PKIB: variants seen among roughly 807,000 people sequenced by gnomAD.
The protein encoded by PKIB is cAMP-dependent protein kinase inhibitor beta.
A neutral mutation model predicts 4.5 loss-of-function variants in PKIB; 2 were observed. That is an observed-to-expected ratio of 0.44 (90% CI 0.18 to 1.39). PKIB has a LOEUF of 1.39. Ranked by LOEUF, PKIB falls within the 40% of genes most tolerant of loss-of-function variation. The probability of loss-of-function intolerance (pLI) is 0.27; values close to 1 mark genes in which losing one functional copy is unlikely to be tolerated. For synonymous variants in PKIB, 38 were observed against 36.0 expected, an observed-to-expected ratio of 1.06 and a Z score of -0.20; for missense variants, 94 against 92.6, an observed-to-expected ratio of 1.02 and a Z score of -0.06.
At chr6:122,625,455 G>C (rs1365398537) in intron 1 of PKIB, among the ~76,000 whole-genome samples, 1 of 152,012 alleles carries the variant, frequency 6.6e-6, no homozygotes, top group Non-Finnish European at 1.5e-5. Context: ...TATAAAGCAG[G>C]TTATTTGCAA....
intron 1 of PKIB, among the ~76,000 whole-genome samples, chr6:122,477,476 T>C (rs1331144687): frequency 6.6e-6 from 1 of 152,228 alleles, no homozygotes; most frequent in Non-Finnish European, 1.5e-5. Flanking sequence ...ATTTAGGCTA[T>C]CAAAGTACTA....
intron 3 of PKIB, among the ~76,000 whole-genome samples, chr6:122,587,012 CTAAA>C (rs1773869744): frequency 6.6e-6 from 1 of 151,956 alleles, no homozygotes; most frequent in Non-Finnish European, 1.5e-5. Context: ...ATAAAACAAA[CTAAA>C]TAAGCAATGT....
chr6:122,539,607 A>G (rs1044968575), intron 2 of PKIB, among the ~76,000 whole-genome samples: 2 of 152,072 alleles, frequency 1.3e-5, no homozygotes, highest in Non-Finnish European at 2.9e-5. Flanking sequence ...AGATTGTTGC[A>G]TCAATGTTCA....
intron 3 of PKIB, among the ~76,000 whole-genome samples, chr6:122,603,073 T>G (rs1340860012): frequency 1.3e-5 from 2 of 152,122 alleles, no homozygotes; most frequent in Non-Finnish European, 2.9e-5. Flanking sequence ...AAGCTTCTCT[T>G]TTTTAAAAGA....
chr6:122,604,179 A>G (rs72962492), intron 3 of PKIB, among the ~76,000 whole-genome samples: 4,679 of 152,304 alleles, frequency 0.031, 109 homozygotes, highest in Non-Finnish European at 0.045. Flanking sequence ...TTTGGAATAG[A>G]AGAATCTCAT....
At chr6:122,496,008 G>A (rs943652811) in intron 2 of PKIB, among the ~76,000 whole-genome samples, 2 of 152,102 alleles carry the variant, frequency 1.3e-5, no homozygotes, top group Non-Finnish European at 2.9e-5. Context: ...CAAGCTTGGG[G>A]CTCCAGCTCA....
chr6:122,692,904 GT>G (rs1778413078), intron 3 of PKIB, among the ~76,000 whole-genome samples: 1 of 152,194 alleles, frequency 6.6e-6, no homozygotes, highest in African/African-American at 2.4e-5. Flanking sequence ...TAGGAAACAA[GT>G]TTTGAATTTT....
At chr6:122,722,850 G>C (rs573398194) in intron 4 of PKIB, among the ~76,000 whole-genome samples, 1 of 152,054 alleles carries the variant, frequency 6.6e-6, no homozygotes, top group South Asian at 2.1e-4. Context: ...AATCTTCTGC[G>C]TACCATTCTT....
intron 3 of PKIB, among the ~76,000 whole-genome samples, chr6:122,709,080 C>T (rs563582969): frequency 2.0e-5 from 3 of 152,292 alleles, no homozygotes; most frequent in South Asian, 2.1e-4. Context: ...AAATAAATTC[C>T]ATTTGTGTAG....
Position 122,716,084 on chromosome 6 carries a change from A to G in PKIB, c.-8-1703A>G, listed in dbSNP as rs529735710. ...TTGGAAAATGCAAGAGGTCTTCCCA[A>G]TAGGAAAATACTTTTTGTTAGGATT... On this transcript the variant is annotated intron_variant, in intron 3 of 4. Transcript: ENST00000368452. 3.9e-5 allele frequency among the ~76,000 whole-genome samples: 6 copies of G among 152,336 alleles called. 1 individual carries two copies. In the East Asian group the frequency reaches 9.6e-4, roughly 24 times the overall value.
chr6:122,657,139 C>G (rs1776803297), intron 2 of PKIB, among the ~76,000 whole-genome samples: 1 of 152,130 alleles, frequency 6.6e-6, no homozygotes, highest in Admixed American at 6.5e-5. Context: ...GTAGCTACTT[C>G]TTATTTTGTC....
intron 3 of PKIB, among the ~76,000 whole-genome samples, chr6:122,694,316 C>T (rs1458651530): frequency 6.6e-6 from 1 of 152,186 alleles, no homozygotes; most frequent in Non-Finnish European, 1.5e-5. Context: ...GTATTGCTAA[C>T]AGACTTCCCA....
chr6:122,608,605 A>G (rs564283318), upstream of PKIB, among the ~76,000 whole-genome samples: 316 of 152,372 alleles, frequency 2.1e-3, 3 homozygotes, highest in African/African-American at 7.2e-3. Flanking sequence ...TTTGGTCTTA[A>G]GTGTGGAAAC....
At chr6:122,497,790 A>G (rs578040452) in intron 2 of PKIB, among the ~76,000 whole-genome samples, 12 of 152,168 alleles carry the variant, frequency 7.9e-5, no homozygotes, top group Non-Finnish European at 1.8e-4. Context: ...CACTGATGGC[A>G]TTAGACAGAT....
chr6:122,533,807 T>C lies in PKIB; in HGVS notation c.-247-52114T>C, dbSNP rs987672536. On this transcript the variant is annotated intron_variant, in intron 2 of 6. Transcript: ENST00000392491. ...CTCATGGGTCTGCGTTTTCCTCTTA[T>C]TACTGTTTTTCAACTGGTCTGTGCC... Among the ~76,000 whole-genome samples the C allele has an allele frequency of 3.3e-5, 5 of 152,274 alleles. No individual in the cohort carries two copies. In the South Asian group the frequency reaches 8.3e-4, roughly 25 times the overall value.
chr6:122,715,024 A>G (rs1779423866), intron 3 of PKIB, among the ~76,000 whole-genome samples: 2 of 151,630 alleles, frequency 1.3e-5, no homozygotes, highest in Admixed American at 1.3e-4. Flanking sequence ...TGGCCTCATG[A>G]TCTGCTCACC....
intron 2 of PKIB, among the ~76,000 whole-genome samples, chr6:122,557,927 T>C (rs1022174644): frequency 6.6e-6 from 1 of 152,196 alleles, no homozygotes; most frequent in South Asian, 2.1e-4. Flanking sequence ...GTTGCACTTA[T>C]AGTAACCCTA....
chr6:122,653,723 G>A (rs1562286738), intron 2 of PKIB, among the ~76,000 whole-genome samples: 1 of 151,842 alleles, frequency 6.6e-6, no homozygotes, highest in Non-Finnish European at 1.5e-5. Context: ...CACTTTGGGA[G>A]GTCGAGGCGG....
chr6:122,533,709 T>G (rs1180933851), intron 2 of PKIB, among the ~76,000 whole-genome samples: 1 of 152,150 alleles, frequency 6.6e-6, no homozygotes, highest in Admixed American at 6.6e-5. Flanking sequence ...CAAGAACAAT[T>G]TACAACTCTA....
Sources: gnomAD v4.1 joint callset for allele counts (sites outside exome capture counted in the v4.1 genomes callset) on GRCh38, gnomAD v4.1.1 for gene constraint, MANE v1.5 for transcripts, NCBI Gene and HGNC (gene_info 2026-07-23, HGNC 2026-07-21) for gene names.